The following SEPTIN14 variants were observed in gnomAD, a reference collection of about 807,000 sequenced individuals.
SEPTIN14 encodes the protein septin 14.
A neutral mutation model predicts 53.6 loss-of-function variants in SEPTIN14; 40 were observed. The observed-to-expected ratio is 0.75, with a 90% CI of 0.58 to 0.97. The LOEUF (loss-of-function observed/expected upper bound fraction) is 0.97, where lower values mean the gene tolerates loss of function less well. SEPTIN14 is among the 50% of genes least tolerant of loss of function. The pLI is 0.00. For synonymous variants in SEPTIN14, 138 were observed against 166.8 expected, an observed-to-expected ratio of 0.83 and a Z score of 1.33; for missense variants, 471 against 508.2, an observed-to-expected ratio of 0.93 and a Z score of 0.70.
At chr7:55,846,065 G>GTATATGTATATATATATATA (rs1789398935) in intron 3 of SEPTIN14, among the ~76,000 whole-genome samples, 1 of 39,758 alleles carries the variant, frequency 2.5e-5, no homozygotes, top group Non-Finnish European at 5.3e-5. Context: ...AAAAAAAAAA[G>GTATATGTATATATATATATA]TATATATATA....
In SEPTIN14 at chr7:55,838,787, G is replaced by A. The variant is rs552956266; in HGVS notation, c.558+4155C>T. Among the ~76,000 whole-genome samples the A allele has an allele frequency of 7.4e-4, 113 of 152,048 alleles. 1 individual carries two copies. Among genetic ancestry groups the A allele is most frequent in the Non-Finnish European group, 1.2e-3 (82 of 67,996 alleles). On this transcript the variant is annotated intron_variant, in intron 5 of 9. Coordinates refer to ENST00000388975, the MANE Select transcript of SEPTIN14 (RefSeq NM_207366.3). ...TGGTCTTGAGCTCCTGAGCTCAAGCGATGCTCCTGCGTTAGCCTCCCAAAG... is the reference window on the plus strand; with the variant it reads ...TGGTCTTGAGCTCCTGAGCTCAAGCAATGCTCCTGCGTTAGCCTCCCAAAG...
intron 5 of SEPTIN14, among the ~76,000 whole-genome samples, chr7:55,842,058 C>A (rs991582043): frequency 2.0e-5 from 3 of 151,874 alleles, no homozygotes; most frequent in African/African-American, 7.3e-5. Context: ...AAAATAGATA[C>A]ACAGATACTT....
chr7:55,810,788 A>T, intron 7 of SEPTIN14: 1 of 202,100 alleles, frequency 4.9e-6, no homozygotes, highest in Non-Finnish European at 1.0e-5. Context: ...AGCTTTTGTT[A>T]TAAATCCGCT....
intron 7 of SEPTIN14, 45 bp downstream of exon 7, chr7:55,819,082 A>G: frequency 9.6e-7 from 1 of 1,036,342 alleles, no homozygotes; most frequent in Non-Finnish European, 1.5e-6. Flanking sequence ...TGATACACAT[A>G]TATTTAACTT....
intron 6 of SEPTIN14, among the ~76,000 whole-genome samples, chr7:55,824,560 ATCACCTGAGG>A (rs1222781874): frequency 3.9e-5 from 6 of 151,906 alleles, no homozygotes; most frequent in African/African-American, 1.5e-4. Context: ...AGGTAGGCGG[ATCACCTGAGG>A]TCAGGAGTTC....
chr7:55,840,315 T>A (rs970516163), intron 5 of SEPTIN14, among the ~76,000 whole-genome samples: 1 of 150,228 alleles, frequency 6.7e-6, no homozygotes, highest in African/African-American at 2.5e-5. Context: ...ATGGTGAAAC[T>A]CATCTCTACT....
intron 2 of SEPTIN14, among the ~76,000 whole-genome samples, chr7:55,860,113 AG>A (rs141316152): frequency 0.21 from 31,298 of 151,088 alleles, 3,773 homozygotes; most frequent in Middle Eastern, 0.31. Flanking sequence ...TGGGAGGCAG[AG>A]GTTGCAGTGA....
At chr7:55,828,341 G>C (rs953461766) in intron 6 of SEPTIN14, among the ~76,000 whole-genome samples, 2 of 130,776 alleles carry the variant, frequency 1.5e-5, no homozygotes, top group Non-Finnish European at 3.1e-5. Flanking sequence ...GTCTTGCTCT[G>C]TCGCCCAGGC....
intron 2 of SEPTIN14, among the ~76,000 whole-genome samples, chr7:55,853,023 A>G (rs1169867070): frequency 1.3e-5 from 2 of 152,216 alleles, no homozygotes; most frequent in African/African-American, 2.4e-5. Flanking sequence ...GTTTTTACCC[A>G]AAAGACTGGC....
Position 55,834,445 on chromosome 7 carries a change from G to C in SEPTIN14, c.700C>G (p.Gln234Glu), listed in dbSNP as rs1789166902. The change falls in exon 6 of 10, where the codon CAA (glutamine) becomes GAA (glutamate). Residue 234 changes from glutamine to glutamate, a missense_variant. By Grantham distance (29) the Gln-to-Glu change is conservative (BLOSUM62 2). Transcript: ENST00000388975. Reference sequence around the variant, plus strand: ...CTTACACTAACTGAGGAGTTCGCTTGAGCAGCAGTTTCTTCATCTGTTGGG... The same window carrying C: ...CTTACACTAACTGAGGAGTTCGCTTCAGCAGCAGTTTCTTCATCTGTTGGG... Reference protein sequence around the residue: ...QLPTDEETAAQANSSVSGLLP... With the variant: ...QLPTDEETAAEANSSVSGLLP... 6.2e-7 allele frequency: 1 copy of C among 1,611,168 alleles called. No homozygotes were observed.
In SEPTIN14 at chr7:55,844,624, T is replaced by G; in HGVS notation, c.270A>C (p.Gly90=). Reference sequence around the variant, plus strand: ...GAAGTTCATATGTCTGAATTTGAAGTCCAACATTTGAGTAAAAATGTGAGG... The same window carrying G: ...GAAGTTCATATGTCTGAATTTGAAGGCCAACATTTGAGTAAAAATGTGAGG... ...NKSSHFYSNV[G]LQIQTYELQE... Residue 90 remains glycine (G), a synonymous_variant, in exon 4 of 10, where the codon GGA becomes GGC. Transcript: ENST00000388975. 2 of 1,609,838 alleles carry G rather than the reference T, an allele frequency of 1.2e-6. No homozygotes were observed. Among genetic ancestry groups the G allele is most frequent in the African/African-American group, 2.7e-5 (2 of 74,984 alleles).
At chr7:55,813,199 C>T (rs563523362) in intron 7 of SEPTIN14, among the ~76,000 whole-genome samples, 44 of 152,294 alleles carry the variant, frequency 2.9e-4, no homozygotes, top group African/African-American at 1.0e-3. Flanking sequence ...ATCCACCCGC[C>T]TTGGCCTCCT....
At chr7:55,853,399 T>G (rs1429030513) in intron 2 of SEPTIN14, among the ~76,000 whole-genome samples, 1 of 152,180 alleles carries the variant, frequency 6.6e-6, no homozygotes, top group African/African-American at 2.4e-5. Flanking sequence ...GAACCTAACA[T>G]TATGTTAAGT....
At chr7:55,818,766 T>C (rs1788839005) in intron 7 of SEPTIN14, among the ~76,000 whole-genome samples, 1 of 152,194 alleles carries the variant, frequency 6.6e-6, no homozygotes, top group Non-Finnish European at 1.5e-5. Context: ...GTCTACACAC[T>C]AGTATTTTTG....
intron 2 of SEPTIN14, among the ~76,000 whole-genome samples, chr7:55,859,644 T>A (rs184281695): frequency 6.6e-6 from 1 of 152,246 alleles, no homozygotes; most frequent in Middle Eastern, 3.4e-3. Context: ...ACTTCTTTTA[T>A]CCCTCTCTCC....
At chr7:55,813,923 G>A (rs1788749117) in intron 7 of SEPTIN14, among the ~76,000 whole-genome samples, 1 of 152,154 alleles carries the variant, frequency 6.6e-6, no homozygotes, top group African/African-American at 2.4e-5. Flanking sequence ...TGGGCCTTGG[G>A]CAGGACCCAG....
At chr7:55,831,323 T>G (rs549171985) in intron 6 of SEPTIN14, among the ~76,000 whole-genome samples, 65 of 152,232 alleles carry the variant, frequency 4.3e-4, no homozygotes, top group Non-Finnish European at 7.6e-4. Context: ...TAAAATCACA[T>G]GCCTACAACC....
chr7:55,844,925 T>TC (rs1283127218), intron 3 of SEPTIN14, among the ~76,000 whole-genome samples: 1 of 151,424 alleles, frequency 6.6e-6, no homozygotes, highest in African/African-American at 2.4e-5. Flanking sequence ...TTTTTTTTTT[T>TC]ACTTTTATTT....
intron 3 of SEPTIN14, among the ~76,000 whole-genome samples, chr7:55,845,971 C>A (rs1227216573): frequency 1.4e-5 from 2 of 147,176 alleles, no homozygotes; most frequent in African/African-American, 5.0e-5. Context: ...ATGGCATGAA[C>A]CTGGGAGGCG....
Sources: allele counts gnomAD v4.1 joint callset (sites outside exome capture counted in the v4.1 genomes callset), GRCh38; gene constraint gnomAD v4.1.1; transcripts MANE v1.5; gene names NCBI Gene and HGNC (gene_info 2026-07-23, HGNC 2026-07-21).